The following GSE1 variants were observed in gnomAD, a reference collection of about 807,000 sequenced individuals.
GSE1 encodes Gse1 coiled-coil protein.
GSE1 carries 32 observed loss-of-function variants against 112.6 expected under a neutral mutation model. That is an observed-to-expected ratio of 0.28 (90% CI 0.21 to 0.38). The LOEUF (loss-of-function observed/expected upper bound fraction) is 0.38. Ranked by LOEUF, GSE1 falls within the 10% of genes least tolerant of loss-of-function variation. GSE1 has a pLI of 1.00. For synonymous variants in GSE1, 1,115 were observed against 735.6 expected, an observed-to-expected ratio of 1.52 and a Z score of -8.35; for missense variants, 2,348 against 1,699.2, an observed-to-expected ratio of 1.38 and a Z score of -6.71.
chr16:85,225,715 A>C (rs1304489336), intron 1 of GSE1, among the ~76,000 whole-genome samples: 2 of 152,204 alleles, frequency 1.3e-5, no homozygotes, highest in Admixed American at 1.3e-4. Context: ...GTGTGGAATT[A>C]TTGTCTTCAG....
chr16:85,495,701 T>A (rs1415734541), intron 2 of GSE1, among the ~76,000 whole-genome samples: 3 of 152,280 alleles, frequency 2.0e-5, no homozygotes, highest in African/African-American at 7.2e-5. Context: ...TTCACTGTGT[T>A]GGCCAGGCTG....
At chr16:85,644,196 GGGCCTGGT>G (rs1478339409) in intron 2 of GSE1, among the ~76,000 whole-genome samples, 1 of 152,066 alleles carries the variant, frequency 6.6e-6, no homozygotes, top group Non-Finnish European at 1.5e-5. Flanking sequence ...AAAACTAGCC[GGGCCTGGT>G]GGCACGTGCC....
At chr16:85,374,327 G>C (rs1424573397) in intron 2 of GSE1, among the ~76,000 whole-genome samples, 2 of 151,126 alleles carry the variant, frequency 1.3e-5, no homozygotes, top group Non-Finnish European at 2.9e-5. Flanking sequence ...GTGTGTGTCA[G>C]TGTGCCTCTG....
At chr16:85,602,497 G>A (rs1039223591) in intron 1 of GSE1, among the ~76,000 whole-genome samples, 7 of 152,090 alleles carry the variant, frequency 4.6e-5, no homozygotes, top group East Asian at 1.9e-4. Flanking sequence ...CGGTGTGAGC[G>A]AGCTCCCCTG....
At chr16:85,659,281 C>G (rs1280009774) in intron 8 of GSE1, 1 of 152,282 alleles carries the variant, frequency 6.6e-6, no homozygotes, top group Non-Finnish European at 1.5e-5. Flanking sequence ...GCTGTGGCCT[C>G]TGCCTCTTTC....
chr16:85,307,149 G>C (rs1440274091), intron 1 of GSE1, among the ~76,000 whole-genome samples: 2 of 151,990 alleles, frequency 1.3e-5, no homozygotes, highest in Non-Finnish European at 2.9e-5. Context: ...TGGGGGTGGG[G>C]TGGGGTGGGG....
chr16:85,287,214 A>G (rs2045058386), intron 1 of GSE1, among the ~76,000 whole-genome samples: 1 of 152,152 alleles, frequency 6.6e-6, no homozygotes, highest in Non-Finnish European at 1.5e-5. Flanking sequence ...GGCTCCTGGA[A>G]ACTGTGCAAG....
At chr16:85,219,494 G>A (rs886742799) in intron 1 of GSE1, among the ~76,000 whole-genome samples, 3 of 152,122 alleles carry the variant, frequency 2.0e-5, no homozygotes, top group Admixed American at 6.5e-5. Flanking sequence ...AGGGAGCCTC[G>A]GCCCTCAGGC....
intron 2 of GSE1, among the ~76,000 whole-genome samples, chr16:85,398,879 C>A (rs990320421): frequency 6.6e-6 from 1 of 151,932 alleles, no homozygotes; most frequent in African/African-American, 2.4e-5. Context: ...GAGTGCGCAC[C>A]GACATGTGTG....
chr16:85,460,444 C>G (rs1038120792), intron 2 of GSE1, among the ~76,000 whole-genome samples: 5 of 152,214 alleles, frequency 3.3e-5, no homozygotes, highest in Non-Finnish European at 7.3e-5. Context: ...ACGATTTGGC[C>G]TTGGAAACCA....
At chr16:85,632,510 C>T (rs115106496) in intron 1 of GSE1, among the ~76,000 whole-genome samples, 5,622 of 152,252 alleles carry the variant, frequency 0.037, 323 homozygotes, top group African/African-American at 0.12. Context: ...CTGGGGATAG[C>T]AGGTGGACAA....
intron 1 of GSE1, among the ~76,000 whole-genome samples, chr16:85,335,700 G>A (rs1017764807): frequency 2.0e-5 from 3 of 152,246 alleles, no homozygotes; most frequent in African/African-American, 7.2e-5. Context: ...AACACTGTTG[G>A]CTGCCGGGAG....
At chr16:85,545,983 C>T (rs1432887812) in intron 2 of GSE1, among the ~76,000 whole-genome samples, 1 of 152,172 alleles carries the variant, frequency 6.6e-6, no homozygotes, top group Non-Finnish European at 1.5e-5. Flanking sequence ...GACGGGGTTT[C>T]ACTGTGTTAG....
At chr16:85,217,349 C>T (rs1027179932) in intron 1 of GSE1, among the ~76,000 whole-genome samples, 4 of 152,144 alleles carry the variant, frequency 2.6e-5, no homozygotes, top group African/African-American at 9.7e-5. Context: ...GGGTTGGGAG[C>T]GAAGCCTGGT....
intron 2 of GSE1, among the ~76,000 whole-genome samples, chr16:85,640,241 C>T (rs1265462485): frequency 6.6e-6 from 1 of 152,202 alleles, no homozygotes; most frequent in East Asian, 1.9e-4. Flanking sequence ...CTTCCCTGCC[C>T]ACACTTCGCT....
exon 1 of GSE1, chr16:85,171,731 C>T: frequency 1.2e-5 from 12 of 985,656 alleles, no homozygotes; most frequent in South Asian, 4.7e-5. Context: ...GAGTGTGGGA[C>T]CCTGGTGTGT....
At chr16:85,582,342 A>G (rs2046483301) in intron 1 of GSE1, among the ~76,000 whole-genome samples, 2 of 152,182 alleles carry the variant, frequency 1.3e-5, no homozygotes, top group Non-Finnish European at 2.9e-5. Flanking sequence ...GTGGAACTCC[A>G]CTGCAGAAGC....
intron 1 of GSE1, among the ~76,000 whole-genome samples, chr16:85,625,969 G>A (rs2049041490): frequency 1.3e-5 from 2 of 152,210 alleles, no homozygotes; most frequent in African/African-American, 4.8e-5. Flanking sequence ...CCGCCCACCT[G>A]CTTGTGTTTT....
At chr16:85,300,814 C>T (rs925705774) in intron 1 of GSE1, among the ~76,000 whole-genome samples, 46 of 152,288 alleles carry the variant, frequency 3.0e-4, no homozygotes, top group Middle Eastern at 3.4e-3. Flanking sequence ...CAGTTGGCCC[C>T]GACCACCCAC....
Sources: allele counts gnomAD v4.1 joint callset (sites outside exome capture counted in the v4.1 genomes callset), GRCh38; gene constraint gnomAD v4.1.1; transcripts MANE v1.5; gene names NCBI Gene and HGNC (gene_info 2026-07-23, HGNC 2026-07-21).